The following CEP72 variants were observed in gnomAD, a reference collection of about 807,000 sequenced individuals.
The protein encoded by CEP72 is centrosomal protein of 72 kDa.
A neutral mutation model predicts 65.7 loss-of-function variants in CEP72; 78 were observed. That is an observed-to-expected ratio of 1.19 (90% CI 0.99 to 1.43). CEP72 has a LOEUF of 1.43. CEP72 is among the 40% of genes most tolerant of loss of function. The pLI, the probability that CEP72 is intolerant of heterozygous loss-of-function variation, is 0.00. For synonymous variants in CEP72, 358 were observed against 351.7 expected, an observed-to-expected ratio of 1.02 and a Z score of -0.20; for missense variants, 914 against 832.9, an observed-to-expected ratio of 1.10 and a Z score of -1.20.
downstream of CEP72, among the ~76,000 whole-genome samples, chr5:658,625 T>C (rs1157352140): frequency 4.0e-5 from 6 of 151,278 alleles, no homozygotes; most frequent in African/African-American, 7.3e-5. Flanking sequence ...TTTCTTTCTC[T>C]TGTTTTATCA....
chr5:644,437 G>A lies in CEP72; in HGVS notation c.1666+12G>A, dbSNP rs4957080. 9 of 1,612,664 alleles carry A rather than the reference G, an allele frequency of 5.6e-6. No homozygotes were observed. Among genetic ancestry groups the A allele is most frequent in the South Asian group, 2.2e-5 (2 of 90,772 alleles). On this transcript the variant is annotated intron_variant, in intron 10 of 11. Transcript: ENST00000264935. ...TTTGCAGATCGCTGGTAAGTTGATC[G>A]TGTATTTGGTCACTTTGTAAACTTT...
intron 9 of CEP72, chr5:644,079 C>T (rs990584633): frequency 7.6e-6 from 4 of 529,236 alleles, no homozygotes; most frequent in Non-Finnish European, 1.3e-5. Flanking sequence ...CCTTTCCATC[C>T]CTCTCCTCAC....
chr5:612,915 T>C (rs921081962), intron 1 of CEP72, among the ~76,000 whole-genome samples: 6 of 152,372 alleles, frequency 3.9e-5, no homozygotes, highest in African/African-American at 2.4e-5. Flanking sequence ...CATAAACTGC[T>C]GAGAAGTGTT....
At chr5:618,244 C>T (rs1736122933) in intron 1 of CEP72, among the ~76,000 whole-genome samples, 1 of 152,062 alleles carries the variant, frequency 6.6e-6, no homozygotes, top group South Asian at 2.1e-4. Flanking sequence ...AAACATAAGC[C>T]GAAACTTCAG....
At chr5:669,225 C>G (rs983739624), downstream of CEP72, among the ~76,000 whole-genome samples, 19 of 152,300 alleles carry the variant, frequency 1.2e-4, no homozygotes, top group Middle Eastern at 3.4e-3. Context: ...CATTCCAGAC[C>G]CGCCGGCCAT....
rs1737404845 is a variant in CEP72 at position 633,918 on chromosome 5, G to T, written c.662G>T (p.Gly221Val). The T allele has an allele frequency of 6.2e-7, 1 of 1,612,656 alleles. No homozygotes were observed. Among genetic ancestry groups the T allele is most frequent in the African/African-American group, 1.3e-5 (1 of 74,936 alleles). ...PPGSTSFSQK[G>V]READSRGSQE... ...GGGAGCACGAGCTTCAGCCAGAAGG[G>T]GCGTGAGGCCGACTCTCGTGGTTCC... is the stretch of plus-strand genomic sequence containing the variant. The change falls in exon 5 of 12, where the codon GGG (glycine) becomes GTG (valine). Residue 221 changes from glycine (G) to valine (V), a missense_variant. Coordinates refer to ENST00000264935, the MANE Select transcript of CEP72 (RefSeq NM_018140.4).
chr5:620,219 C>A lies in CEP72; in HGVS notation c.361C>A (p.Arg121Ser), dbSNP rs769614223. 2 of 1,614,010 alleles carry A rather than the reference C, an allele frequency of 1.2e-6. No individual in the cohort carries two copies. Among genetic ancestry groups the A allele is most frequent in the African/African-American group, 2.7e-5 (2 of 74,922 alleles). Reference sequence around the variant, plus strand: ...CGTGGTGAAGGTTGAGCCTGACTACCGCCTTTTTGTTGTGCACCTGCTCCC... The same window carrying A: ...CGTGGTGAAGGTTGAGCCTGACTACAGCCTTTTTGTTGTGCACCTGCTCCC... ...NPVVKVEPDY[R>S]LFVVHLLPKL... The change falls in exon 3 of 12, where the codon CGC becomes AGC. Residue 121 changes from arginine (R) to serine (S), a missense_variant. By Grantham distance (110) the Arg-to-Ser change is moderately radical (BLOSUM62 -1). Transcript: ENST00000264935.
Position 613,766 on chromosome 5 carries a change from A to G in CEP72, c.82+1323A>G, listed in dbSNP as rs147732226. 1.8e-4 allele frequency among the ~76,000 whole-genome samples: 27 copies of G among 152,338 alleles called. No homozygotes were observed. The East Asian group carries it at 4.8e-3, about 27-fold the overall frequency. On this transcript the variant is annotated intron_variant, in intron 1 of 11. Coordinates refer to ENST00000264935, the MANE Select transcript of CEP72 (RefSeq NM_018140.4). ...GCCATGGAATTATCAGGGTGTGGAA[A>G]CTGCATTCTTTGGTGAATCCGCTTG...
downstream of CEP72, among the ~76,000 whole-genome samples, chr5:670,243 C>T (rs1221226684): frequency 6.6e-6 from 1 of 152,148 alleles, no homozygotes; most frequent in African/African-American, 2.4e-5. Flanking sequence ...GCATCCAGCA[C>T]CCTTGTGAAT....
At position 645,950 on chromosome 5, in the gene CEP72, T is replaced by C. The variant is rs370455713; in HGVS notation, c.1666+1525T>C. On this transcript the variant is annotated intron_variant, in intron 10 of 11. Coordinates refer to ENST00000264935, the MANE Select transcript of CEP72 (RefSeq NM_018140.4). The surrounding 1 kb of genome is among the most constrained non-coding windows in gnomAD (Gnocchi z 4.0). ...CGTTACACTGTGTGAGCGTCACTCCTGCTCCCGTTGGCGCCCTGTGTGGAT... is the reference window on the plus strand; with the variant it reads ...CGTTACACTGTGTGAGCGTCACTCCCGCTCCCGTTGGCGCCCTGTGTGGAT... 6.5e-4 allele frequency among the ~76,000 whole-genome samples: 99 copies of C among 151,950 alleles called. 1 individual carries two copies. The East Asian group carries it at 0.016, about 24-fold the overall frequency.
chr5:644,253 T>C (rs764801648), intron 9 of CEP72, 46 bp from the exon 10 acceptor site: 2 of 1,598,264 alleles, frequency 1.3e-6, no homozygotes, highest in Non-Finnish European at 1.7e-6. Context: ...ATACGCATTT[T>C]ACTGAATTTG....
chr5:665,978 CT>C, exon 4 of CEP72: 1 of 1,599,212 alleles, frequency 6.3e-7, no homozygotes. Flanking sequence ...ACCGTCACCC[CT>C]GAGATGATGG....
At chr5:626,742 G>A (rs545879072) in intron 4 of CEP72, among the ~76,000 whole-genome samples, 73 of 152,282 alleles carry the variant, frequency 4.8e-4, no homozygotes, top group African/African-American at 1.6e-3. Context: ...GACCCCCTGA[G>A]CCTGGGAGTT....
intron 10 of CEP72, among the ~76,000 whole-genome samples, 171 bp from the exon 11 acceptor site, chr5:647,634 C>T (rs1158828200): frequency 3.3e-5 from 5 of 152,184 alleles, no homozygotes; most frequent in South Asian, 2.1e-4. Context: ...AGGGAGGGGC[C>T]GTGGCATTCA....
Position 639,086 on chromosome 5 carries a change from C to T in CEP72, c.1207-3C>T, listed in dbSNP as rs1262061193. The T allele has an allele frequency of 6.2e-7, 1 of 1,613,344 alleles. No homozygotes were observed. The highest frequency in any genetic ancestry group is 1.7e-5 in the Admixed American group (1 of 60,020). On this transcript the variant is annotated splice_region_variant and splice_polypyrimidine_tract_variant and intron_variant, in intron 7 of 11. Transcript: ENST00000264935. ...TGGCCTCATGCTGTTGTTTCCATCA[C>T]AGCCGTCTCCCGGGTCACACTCGGC...
In CEP72 at chr5:633,895, G is replaced by A; in HGVS notation, c.639G>A (p.Gly213=). 2.5e-6 allele frequency: 4 copies of A among 1,613,282 alleles called. No homozygotes were observed. Among genetic ancestry groups the A allele is most frequent in the Non-Finnish European group, 3.4e-6 (4 of 1,180,036 alleles). Residue 213 remains glycine, a synonymous_variant, in exon 5 of 12, where the codon GGG becomes GGA. Coordinates refer to ENST00000264935, the MANE Select transcript of CEP72 (RefSeq NM_018140.4). ...AGTGGGACCTCGGCAGGCCTCCCGG[G>A]AGCACGAGCTTCAGCCAGAAGGGGC... is the stretch of plus-strand genomic sequence containing the variant. ...ECEWDLGRPP[G]STSFSQKGRE...
chr5:644,195 A>G (rs1738260458), intron 9 of CEP72, 104 bp from the exon 10 acceptor site: 5 of 1,284,822 alleles, frequency 3.9e-6, no homozygotes, highest in African/African-American at 1.5e-5. Context: ...ACTCCCAAGT[A>G]TGCAGAAGGA....
intron 2 of CEP72, among the ~76,000 whole-genome samples, chr5:619,622 G>A (rs889459730): frequency 4.6e-5 from 7 of 152,232 alleles, no homozygotes; most frequent in East Asian, 3.8e-4. Context: ...TGGAGGCCAC[G>A]TCTGACACCA....
chr5:642,355 C>T (rs2126799590), intron 9 of CEP72: 1 of 985,198 alleles, frequency 1.0e-6, no homozygotes, highest in Non-Finnish European at 1.2e-6. Context: ...ATGGCCCCTT[C>T]TCTGGAAGCC....
Sources: allele counts gnomAD v4.1 joint callset (sites outside exome capture counted in the v4.1 genomes callset), GRCh38; gene constraint gnomAD v4.1.1; non-coding constraint Gnocchi (gnomAD v3.1); transcripts MANE v1.5; gene names NCBI Gene and HGNC (gene_info 2026-07-23, HGNC 2026-07-21).